The following IGSF23 variants were observed in gnomAD, a reference collection of about 807,000 sequenced individuals.
The protein encoded by IGSF23 is immunoglobulin superfamily, member 23.
Under a neutral mutation model 17.8 loss-of-function variants are expected in IGSF23, and 14 were observed. The ratio of observed to expected loss-of-function variants is 0.79; its 90% CI spans 0.52 to 1.23. The LOEUF is 1.23. Ranked by LOEUF, IGSF23 falls within the 50% of genes most tolerant of loss-of-function variation. The probability of loss-of-function intolerance (pLI) is 0.00; values close to 1 mark genes in which losing one functional copy is unlikely to be tolerated. For synonymous variants in IGSF23, 85 were observed against 92.5 expected (o/e 0.92, Z 0.46); for missense variants, 214 against 241.7 (o/e 0.89, Z 0.76).
At position 44,635,619 on chromosome 19, in the gene IGSF23, T is replaced by C. The variant is rs1972873794; in HGVS notation, c.*31+154T>C. 5 of 555,530 alleles carry C rather than the reference T, an allele frequency of 9.0e-6. No individual in the cohort carries two copies. The South Asian group carries it at 1.2e-4, about 14-fold the overall frequency. 34.4% of individuals were successfully genotyped at this position (555,530 alleles called of 1,614,324 possible). On this transcript the variant is annotated intron_variant, in intron 4 of 4. Transcript: ENST00000402988. Reference sequence around the variant, plus strand: ...TGTGGAGAGCTCCAGGAGCTGCTTTTCTCTTCTTTTGCCAACTGCCAGCAC... The same window carrying C: ...TGTGGAGAGCTCCAGGAGCTGCTTTCCTCTTCTTTTGCCAACTGCCAGCAC...
At chr19:44,634,542 C>T (rs185881454) in intron 3 of IGSF23, among the ~76,000 whole-genome samples, 1 of 152,302 alleles carries the variant, frequency 6.6e-6, no homozygotes, top group Non-Finnish European at 1.5e-5. Flanking sequence ...GGATTCCTGC[C>T]TGAATAGAAC....
At chr19:44,616,328 C>T (rs943439685) in intron 1 of IGSF23, among the ~76,000 whole-genome samples, 1 of 152,140 alleles carries the variant, frequency 6.6e-6, no homozygotes, top group East Asian at 1.9e-4. Flanking sequence ...CCAAATTATT[C>T]TATAATGAGG....
At chr19:44,620,341 T>TG (rs1972487297) in intron 1 of IGSF23, among the ~76,000 whole-genome samples, 93 of 139,394 alleles carry the variant, frequency 6.7e-4, no homozygotes, top group African/African-American at 2.4e-3. Context: ...ATGACTAATT[T>TG]TGTGTGTGTG....
At chr19:44,633,461 TGGAGTTA>T (rs1342426770) in intron 3 of IGSF23, among the ~76,000 whole-genome samples, 1 of 152,242 alleles carries the variant, frequency 6.6e-6, no homozygotes, top group Non-Finnish European at 1.5e-5. Context: ...ATAATTGTTC[TGGAGTTA>T]GAACTTGTGC....
chr19:44,633,845 C>T (rs1972823670), intron 3 of IGSF23, among the ~76,000 whole-genome samples: 2 of 152,148 alleles, frequency 1.3e-5, no homozygotes, highest in Non-Finnish European at 2.9e-5. Context: ...TTTCACTTTT[C>T]CCCATTCCCA....
At chr19:44,631,087 C>G (rs1229704496) in intron 3 of IGSF23, among the ~76,000 whole-genome samples, 1 of 99,636 alleles carries the variant, frequency 1.0e-5, no homozygotes, top group Non-Finnish European at 2.0e-5. Flanking sequence ...AGACTCATGT[C>G]TCTACAAAAA....
chr19:44,616,174 C>CTT (rs746790330), intron 1 of IGSF23, among the ~76,000 whole-genome samples: 123 of 151,990 alleles, frequency 8.1e-4, no homozygotes, highest in Non-Finnish European at 1.0e-3. Flanking sequence ...TATGGGTCTA[C>CTT]TTTTTTTTCC....
intron 1 of IGSF23, among the ~76,000 whole-genome samples, chr19:44,618,519 C>T (rs1972439873): frequency 1.3e-5 from 2 of 152,210 alleles, no homozygotes; most frequent in Non-Finnish European, 2.9e-5. Context: ...TTATCCATTG[C>T]TCCCCAATAA....
At chr19:44,618,009 T>C in intron 1 of IGSF23, 1 of 462,240 alleles carries the variant, frequency 2.2e-6, no homozygotes, top group Non-Finnish European at 4.5e-6. Flanking sequence ...CAGTATAATA[T>C]ACGTGCGTGC....
intron 3 of IGSF23, among the ~76,000 whole-genome samples, chr19:44,631,581 G>C (rs897284337): frequency 1.3e-5 from 2 of 152,212 alleles, no homozygotes; most frequent in Non-Finnish European, 2.9e-5. Flanking sequence ...ATAGAAGTGT[G>C]AAGTGGGAAA....
At chr19:44,615,104 A>G (rs1281694497) in intron 1 of IGSF23, among the ~76,000 whole-genome samples, 1 of 151,796 alleles carries the variant, frequency 6.6e-6, no homozygotes, top group African/African-American at 2.4e-5. Flanking sequence ...CCTGGCTAAC[A>G]CGGTGAAACC....
chr19:44,635,941 T>C (rs140119275), intron 4 of IGSF23, among the ~76,000 whole-genome samples: 234 of 152,330 alleles, frequency 1.5e-3, no homozygotes, highest in African/African-American at 5.2e-3. Context: ...AGTTCTGGTC[T>C]CTGCCAGGCT....
chr19:44,613,789 T>C lies in IGSF23; in HGVS notation c.125+19T>C, dbSNP rs897839374. The C allele has an allele frequency of 6.5e-7, 1 of 1,550,144 alleles. No individual in the cohort carries two copies. Among genetic ancestry groups the C allele is most frequent in the Non-Finnish European group, 8.7e-7 (1 of 1,146,766 alleles). On this transcript the variant is annotated intron_variant, in intron 1 of 4. Transcript: ENST00000402988. ...ACTTGGTGTAAGTCATGTGGGGAAG[T>C]GGCCAGGGTAGGGCATGGTCATCGT...
At chr19:44,614,053 A>G in intron 1 of IGSF23, 1 of 1,317,164 alleles carries the variant, frequency 7.6e-7, no homozygotes, top group Non-Finnish European at 1.0e-6. Flanking sequence ...TCTCCTTACG[A>G]GTCCAAGTCA....
intron 1 of IGSF23, among the ~76,000 whole-genome samples, chr19:44,622,377 T>C (rs1012150854): frequency 6.6e-6 from 1 of 152,128 alleles, no homozygotes; most frequent in African/African-American, 2.4e-5. Context: ...TAACATTGCA[T>C]TGAAATCAGA....
intron 2 of IGSF23, among the ~76,000 whole-genome samples, chr19:44,624,565 A>T (rs561713162): frequency 6.6e-6 from 1 of 152,156 alleles, no homozygotes; most frequent in South Asian, 2.1e-4. Context: ...GATTACAGAC[A>T]TGAGCCACCT....
intron 3 of IGSF23, among the ~76,000 whole-genome samples, chr19:44,634,815 GAAAA>G (rs61334428): frequency 8.4e-6 from 1 of 118,830 alleles, no homozygotes; most frequent in Non-Finnish European, 1.9e-5. Context: ...AAAGAAAAAA[GAAAA>G]AAAAAAAAAA....
chr19:44,621,352 A>T (rs527503367), intron 1 of IGSF23, among the ~76,000 whole-genome samples: 1 of 149,936 alleles, frequency 6.7e-6, no homozygotes, highest in Admixed American at 6.7e-5. Flanking sequence ...TCCTTTTCTC[A>T]TCAAAATGGG....
Position 44,623,715 on chromosome 19 carries a change from T to G in IGSF23, c.134T>G (p.Leu45Arg). 2.6e-6 allele frequency: 4 copies of G among 1,551,168 alleles called. No homozygotes were observed. The highest frequency in any genetic ancestry group is 3.5e-6 in the Non-Finnish European group (4 of 1,147,118). The change falls in exon 2 of 5, where the codon CTA becomes CGA. Residue 45 changes from leucine (L) to arginine (R), a missense_variant. Physicochemically the swap from Leu to Arg is moderately radical, Grantham distance 102. Transcript: ENST00000402988. ...GDFPANLVLQ[L>R]MPLKTFPAAI... ...CCTGTTTGCACAGACAGCCTCCAAC[T>G]AATGCCACTGAAGACATTCCCAGCT... is the stretch of plus-strand genomic sequence containing the variant.
Sources: gnomAD v4.1 joint callset for allele counts (sites outside exome capture counted in the v4.1 genomes callset) on GRCh38, gnomAD v4.1.1 for gene constraint, MANE v1.5 for transcripts, NCBI Gene and HGNC (gene_info 2026-07-23, HGNC 2026-07-21) for gene names.